Variants in RABGEF1 observed in about 807,000 individuals in gnomAD.
RABGEF1 encodes the protein rab5 GDP/GTP exchange factor.
A neutral mutation model predicts 57.3 loss-of-function variants in RABGEF1; 26 were observed. The ratio of observed to expected loss-of-function variants is 0.45; its 90% CI spans 0.33 to 0.63. The LOEUF (loss-of-function observed/expected upper bound fraction) is 0.63. Ranked by LOEUF, RABGEF1 falls within the 20% of genes least tolerant of loss-of-function variation. The pLI is 0.02. For synonymous variants in RABGEF1, 185 were observed against 210.7 expected (o/e 0.88, Z 1.06); for missense variants, 464 against 607.6 (o/e 0.76, Z 2.48).
intron 1 of RABGEF1, among the ~76,000 whole-genome samples, chr7:66,751,491 A>ATGC (rs910281344): frequency 6.6e-6 from 1 of 152,170 alleles, no homozygotes; most frequent in African/African-American, 2.4e-5. Context: ...GGTCTGGATG[A>ATGC]TGCTATTTTT....
intron 3 of RABGEF1, 71 bp downstream of exon 3, chr7:66,775,464 A>G (rs112962120): frequency 1.5e-4 from 221 of 1,521,480 alleles, no homozygotes; most frequent in East Asian, 1.0e-3. Flanking sequence ...AATGCTCATA[A>G]GCTCAGCTTT....
At chr7:66,803,270 G>A (rs1263170596) in intron 7 of RABGEF1, among the ~76,000 whole-genome samples, 1 of 152,226 alleles carries the variant, frequency 6.6e-6, no homozygotes, top group East Asian at 1.9e-4. Context: ...TTTCATGGCA[G>A]ATGGGCCTAG....
At chr7:66,789,679 T>G (rs1030214795) in intron 4 of RABGEF1, among the ~76,000 whole-genome samples, 7 of 53,492 alleles carry the variant, frequency 1.3e-4, no homozygotes, top group East Asian at 1.2e-3. Context: ...CGAGACTCTA[T>G]CTCAAAAAAA....
intron 1 of RABGEF1, among the ~76,000 whole-genome samples, chr7:66,689,671 T>C (rs570356626): frequency 3.4e-4 from 52 of 151,988 alleles, no homozygotes; most frequent in African/African-American, 1.2e-3. Flanking sequence ...GGCATGGTGG[T>C]AGGCACCTGC....
chr7:66,719,009 C>T (rs1169555697), intron 2 of RABGEF1, among the ~76,000 whole-genome samples: 1 of 152,216 alleles, frequency 6.6e-6, no homozygotes, highest in Non-Finnish European at 1.5e-5. Context: ...GAGAGAAAGA[C>T]AGCAACAGGA....
chr7:66,688,053 C>G (rs986765623), intron 1 of RABGEF1, among the ~76,000 whole-genome samples: 1 of 146,444 alleles, frequency 6.8e-6, no homozygotes, highest in Non-Finnish European at 1.5e-5. Flanking sequence ...TTATTGCACT[C>G]CAGCCTGGGC....
chr7:66,707,193 A>C (rs1794227971), intron 1 of RABGEF1, among the ~76,000 whole-genome samples: 1 of 152,208 alleles, frequency 6.6e-6, no homozygotes. Context: ...CAGAAAACGT[A>C]TTTTGAATTA....
At chr7:66,773,448 T>C (rs1361576952) in intron 2 of RABGEF1, among the ~76,000 whole-genome samples, 1 of 152,218 alleles carries the variant, frequency 6.6e-6, no homozygotes, top group Admixed American at 6.5e-5. Context: ...TTTTTGTTTC[T>C]ATTTCTTACT....
intron 4 of RABGEF1, among the ~76,000 whole-genome samples, chr7:66,786,109 G>A (rs1039646220): frequency 6.6e-6 from 1 of 152,156 alleles, no homozygotes; most frequent in African/African-American, 2.4e-5. Context: ...CCAGGAGAGT[G>A]ATCTGCTCTT....
At position 66,714,990 on chromosome 7, in the gene RABGEF1, C is replaced by T. The variant is rs1289652435; in HGVS notation, c.-815+2766C>T. ...TTTAGGTTATCGATTAGAAAACTTTCGTCGTCCTCCTCCTCCTCCTCTTCT... is the reference window on the plus strand; with the variant it reads ...TTTAGGTTATCGATTAGAAAACTTTTGTCGTCCTCCTCCTCCTCCTCTTCT... On this transcript the variant is annotated intron_variant and NMD_transcript_variant, in intron 2 of 9. Coordinates refer to the RABGEF1 transcript ENST00000607882. 2.6e-5 allele frequency among the ~76,000 whole-genome samples: 4 copies of T among 152,192 alleles called. No individual in the cohort carries two copies. The Middle Eastern group carries it at 0.01, about 388-fold the overall frequency.
At chr7:66,663,358 A>C in the RABGEF1 span, among the ~76,000 whole-genome samples, 2 of 152,078 alleles carry the variant, frequency 1.3e-5, no homozygotes, top group East Asian at 3.9e-4. Flanking sequence ...TTTAATTCCT[A>C]TAGTGCCGCT....
the RABGEF1 span, among the ~76,000 whole-genome samples, chr7:66,673,697 G>A: frequency 2.6e-5 from 4 of 151,286 alleles, no homozygotes; most frequent in Non-Finnish European, 5.9e-5. Flanking sequence ...CCGCACGTAC[G>A]GGTGATGTAT....
chr7:66,664,855 C>T, the RABGEF1 span, among the ~76,000 whole-genome samples: 1 of 152,250 alleles, frequency 6.6e-6, no homozygotes, highest in Non-Finnish European at 1.5e-5. Flanking sequence ...GTGCCTCCCA[C>T]GCCTGTCTAC....
In RABGEF1 at chr7:66,707,346, T is replaced by C. The variant is rs897608140; in HGVS notation, c.-872-4821T>C. 3.9e-5 allele frequency among the ~76,000 whole-genome samples: 6 copies of C among 152,124 alleles called. No individual in the cohort carries two copies. The South Asian group carries it at 8.3e-4, about 21-fold the overall frequency. On this transcript the variant is annotated intron_variant and NMD_transcript_variant, in intron 1 of 9. Transcript: ENST00000607882. The stretch of plus-strand genomic sequence containing the variant: ...TTCTATAGATGTTCGTTAGGTCTGG[T>C]TGGCATACATTCTGTTTTTTTTCTG...
At chr7:66,735,553 T>A (rs1447253128) in intron 2 of RABGEF1, among the ~76,000 whole-genome samples, 2 of 152,196 alleles carry the variant, frequency 1.3e-5, no homozygotes, top group Non-Finnish European at 2.9e-5. Context: ...TTGTAATCCC[T>A]AAAGTTGGAG....
intron 1 of RABGEF1, among the ~76,000 whole-genome samples, chr7:66,700,667 C>A (rs1793118679): frequency 6.6e-6 from 1 of 152,322 alleles, no homozygotes; most frequent in East Asian, 1.9e-4. Context: ...CCTGGTCACA[C>A]TTCTGCCACT....
chr7:66,766,074 A>G (rs1805625631), intron 1 of RABGEF1, among the ~76,000 whole-genome samples: 1 of 152,190 alleles, frequency 6.6e-6, no homozygotes, highest in Admixed American at 6.5e-5. Context: ...TCAGACTTTC[A>G]AAATAATTTG....
chr7:66,731,255 G>A (rs1374507304), intron 2 of RABGEF1, among the ~76,000 whole-genome samples: 1 of 152,188 alleles, frequency 6.6e-6, no homozygotes, highest in Non-Finnish European at 1.5e-5. Context: ...AGAATGTTGG[G>A]AAGGGCTGGG....
chr7:66,785,861 G>C (rs1468012233), intron 4 of RABGEF1, among the ~76,000 whole-genome samples: 7 of 149,416 alleles, frequency 4.7e-5, no homozygotes, highest in Admixed American at 2.0e-4. Flanking sequence ...ATGACAGAGC[G>C]AGACTCCATC....
Sources: gnomAD v4.1 joint callset for allele counts (sites outside exome capture counted in the v4.1 genomes callset) on GRCh38, gnomAD v4.1.1 for gene constraint, MANE v1.5 for transcripts, NCBI Gene and HGNC (gene_info 2026-07-23, HGNC 2026-07-21) for gene names.